ZNF407: variants seen among roughly 807,000 people sequenced by gnomAD.
ZNF407 encodes the protein zinc finger protein 407.
In ZNF407, 17 loss-of-function variants were observed where a neutral mutation model predicts 131.2. That is an observed-to-expected ratio of 0.13 (90% CI 0.09 to 0.19). The LOEUF is 0.19. Ranked by LOEUF, ZNF407 falls within the 10% of genes least tolerant of loss-of-function variation. ZNF407 has a pLI of 1.00. For missense variants in ZNF407, 2,681 were observed against 2,830.6 expected, an observed-to-expected ratio of 0.95 and a Z score of 1.20; for synonymous variants, 1,156 against 1,062.0, an observed-to-expected ratio of 1.09 and a Z score of -1.72.
intron 8 of ZNF407, among the ~76,000 whole-genome samples, chr18:75,012,913 T>A (rs1476829922): frequency 1.3e-5 from 2 of 150,706 alleles, no homozygotes; most frequent in African/African-American, 4.9e-5. Flanking sequence ...TTTTTCAAAT[T>A]AACTCAGTAT....
At chr18:75,007,838 T>A (rs1011534838) in intron 8 of ZNF407, among the ~76,000 whole-genome samples, 1 of 152,056 alleles carries the variant, frequency 6.6e-6, no homozygotes, top group Non-Finnish European at 1.5e-5. Flanking sequence ...CATGGGAAAT[T>A]TACATCAGCT....
intron 4 of ZNF407, among the ~76,000 whole-genome samples, chr18:74,827,841 T>C (rs1450495277): frequency 6.6e-6 from 1 of 152,246 alleles, no homozygotes; most frequent in Non-Finnish European, 1.5e-5. Flanking sequence ...GTCACACTAA[T>C]ACCACCAATT....
intron 4 of ZNF407, among the ~76,000 whole-genome samples, chr18:74,867,417 G>A (rs1971028540): frequency 1.3e-5 from 2 of 152,170 alleles, no homozygotes; most frequent in Non-Finnish European, 2.9e-5. Context: ...TGATGATGTG[G>A]ACTATAATGC....
At chr18:74,733,394 C>T (rs374754253) in intron 3 of ZNF407, among the ~76,000 whole-genome samples, 3 of 152,036 alleles carry the variant, frequency 2.0e-5, no homozygotes, top group Non-Finnish European at 2.9e-5. Flanking sequence ...AAGATTTCTT[C>T]TTTCAAAAGT....
intron 3 of ZNF407, among the ~76,000 whole-genome samples, chr18:74,745,033 A>G (rs1968635321): frequency 2.6e-5 from 4 of 152,110 alleles, no homozygotes; most frequent in Admixed American, 2.0e-4. Flanking sequence ...AGGCAATGAG[A>G]TGAGAGAAGG....
intron 8 of ZNF407, among the ~76,000 whole-genome samples, chr18:75,022,756 G>T (rs1488930699): frequency 6.6e-6 from 1 of 152,166 alleles, no homozygotes; most frequent in Non-Finnish European, 1.5e-5. Flanking sequence ...TTCAACCACT[G>T]TGGAAGACAG....
At chr18:74,990,138 G>A (rs527432537) in intron 8 of ZNF407, among the ~76,000 whole-genome samples, 1 of 152,130 alleles carries the variant, frequency 6.6e-6, no homozygotes, top group Non-Finnish European at 1.5e-5. Flanking sequence ...TTGCAGAAGT[G>A]GGGGAAAGGC....
At position 74,874,081 on chromosome 18, in the gene ZNF407, G is replaced by T. The variant is rs543898832; in HGVS notation, c.4878-3116G>T. 1.3e-5 allele frequency among the ~76,000 whole-genome samples: 2 copies of T among 152,214 alleles called. 1 individual carries two copies. Among genetic ancestry groups the T allele is most frequent in the South Asian group, 4.2e-4 (2 of 4,812 alleles). On this transcript the variant is annotated intron_variant, in intron 4 of 8. Transcript: ENST00000299687. Reference sequence around the variant, plus strand: ...CATTTCAATTCTGTTAGCACTGTTTGGCGTTTTGAACTTGTAGTAAGCATT... The same window carrying T: ...CATTTCAATTCTGTTAGCACTGTTTTGCGTTTTGAACTTGTAGTAAGCATT...
chr18:74,824,910 CAA>C (rs959720765), intron 4 of ZNF407, among the ~76,000 whole-genome samples: 2 of 151,922 alleles, frequency 1.3e-5, no homozygotes, highest in African/African-American at 4.8e-5. Flanking sequence ...GACACAACAA[CAA>C]AAAAAGTTCA....
intron 4 of ZNF407, among the ~76,000 whole-genome samples, chr18:74,807,051 C>T (rs1456820032): frequency 1.3e-5 from 2 of 152,106 alleles, no homozygotes; most frequent in Non-Finnish European, 2.9e-5. Context: ...GCAGTAGATG[C>T]CATGGAGATA....
At chr18:74,752,145 G>C (rs1968820069) in intron 3 of ZNF407, among the ~76,000 whole-genome samples, 1 of 152,162 alleles carries the variant, frequency 6.6e-6, no homozygotes, top group South Asian at 2.1e-4. Flanking sequence ...ATTTTTTCAT[G>C]TGTCTGTTGG....
At position 74,780,283 on chromosome 18, in the gene ZNF407, A is replaced by G. The variant is rs1248127557; in HGVS notation, c.4803-1145A>G. Among the ~76,000 whole-genome samples the G allele has an allele frequency of 2.0e-5, 3 of 152,200 alleles. No homozygotes were observed. The East Asian group carries it at 5.8e-4, about 29-fold the overall frequency. ...ATTAAACAAAATAAATTAGACATTT[A>G]GACATGAAAAGAAAAGAAGCATGTT... On this transcript the variant is annotated intron_variant, in intron 3 of 8. Coordinates refer to ENST00000299687, the MANE Select transcript of ZNF407 (RefSeq NM_017757.3).
chr18:74,726,119 A>G (rs1968151948), intron 3 of ZNF407, among the ~76,000 whole-genome samples: 1 of 152,188 alleles, frequency 6.6e-6, no homozygotes, highest in South Asian at 2.1e-4. Context: ...TAGTTCAGTG[A>G]CATGAGTTGC....
At chr18:74,790,220 G>C (rs2145048230) in intron 4 of ZNF407, among the ~76,000 whole-genome samples, 1 of 152,194 alleles carries the variant, frequency 6.6e-6, no homozygotes, top group African/African-American at 2.4e-5. Flanking sequence ...TATTAGACCA[G>C]AGATATATGG....
intron 8 of ZNF407, among the ~76,000 whole-genome samples, chr18:75,014,041 T>C (rs1265842470): frequency 6.6e-6 from 1 of 152,116 alleles, no homozygotes; most frequent in Non-Finnish European, 1.5e-5. Context: ...TTCAACTTCA[T>C]GTAACTGCTA....
intron 8 of ZNF407, among the ~76,000 whole-genome samples, chr18:74,945,250 A>G (rs960969935): frequency 1.3e-5 from 2 of 152,172 alleles, no homozygotes; most frequent in African/African-American, 4.8e-5. Flanking sequence ...TATTTCTGCA[A>G]AAGATCTAAT....
intron 8 of ZNF407, among the ~76,000 whole-genome samples, chr18:74,984,066 A>T (rs752386373): frequency 1.2e-4 from 18 of 152,216 alleles, no homozygotes; most frequent in Non-Finnish European, 2.2e-4. Flanking sequence ...AGGGAAAACC[A>T]TCTCTCTTCT....
At chr18:74,676,464 T>A (rs1441624001) in intron 3 of ZNF407, among the ~76,000 whole-genome samples, 1 of 137,560 alleles carries the variant, frequency 7.3e-6, no homozygotes, top group African/African-American at 2.8e-5. Context: ...TGAGACGGAG[T>A]CTCGCTCTGT....
intron 3 of ZNF407, among the ~76,000 whole-genome samples, chr18:74,690,298 G>A (rs1967189498): frequency 6.6e-6 from 1 of 152,154 alleles, no homozygotes; most frequent in Non-Finnish European, 1.5e-5. Flanking sequence ...AATTAACAAA[G>A]TTAGAAAGAT....
Sources: gnomAD v4.1 joint callset for allele counts (sites outside exome capture counted in the v4.1 genomes callset) on GRCh38, gnomAD v4.1.1 for gene constraint, MANE v1.5 for transcripts, NCBI Gene and HGNC (gene_info 2026-07-23, HGNC 2026-07-21) for gene names.